SRGAP3: variants seen among roughly 807,000 people sequenced by gnomAD.
The protein encoded by SRGAP3 is SLIT-ROBO Rho GTPase-activating protein 3.
Under a neutral mutation model 121.1 loss-of-function variants are expected in SRGAP3, and 39 were observed. The ratio of observed to expected loss-of-function variants is 0.32; its 90% CI spans 0.25 to 0.42. The LOEUF (loss-of-function observed/expected upper bound fraction) is 0.42. SRGAP3 is among the 10% of genes least tolerant of loss of function. The pLI is 1.00. For synonymous variants in SRGAP3, 601 were observed against 570.0 expected, an observed-to-expected ratio of 1.05 and a Z score of -0.77; for missense variants, 1,213 against 1,470.6, an observed-to-expected ratio of 0.82 and a Z score of 2.86.
intron 14 of SRGAP3, among the ~76,000 whole-genome samples, chr3:9,017,914 T>C (rs1943718659): frequency 6.6e-6 from 1 of 152,228 alleles, no homozygotes; most frequent in Admixed American, 6.5e-5. Context: ...TGTTGCTAAG[T>C]ATCGTCACCC....
intron 2 of SRGAP3, chr3:9,326,230 A>T (rs1018541530): frequency 6.6e-6 from 1 of 151,982 alleles, no homozygotes; most frequent in Non-Finnish European, 1.5e-5. Flanking sequence ...TGGTGAAAAT[A>T]CACTATAGCA....
intron 4 of SRGAP3, among the ~76,000 whole-genome samples, chr3:9,079,455 G>A (rs918182426): frequency 6.6e-6 from 1 of 152,208 alleles, no homozygotes; most frequent in Non-Finnish European, 1.5e-5. Flanking sequence ...ACAGTTAGAT[G>A]TTGACTCCAA....
chr3:9,176,674 G>A (rs996501225), intron 1 of SRGAP3, among the ~76,000 whole-genome samples: 3 of 152,204 alleles, frequency 2.0e-5, no homozygotes, highest in African/African-American at 7.2e-5. Flanking sequence ...AATCATGGTG[G>A]AAGTCAAAGT....
At chr3:9,152,305 G>A (rs1006276257) in intron 1 of SRGAP3, among the ~76,000 whole-genome samples, 1 of 152,208 alleles carries the variant, frequency 6.6e-6, no homozygotes. Flanking sequence ...TCCCTCCAGC[G>A]ACTGGACCAG....
Position 9,058,307 on chromosome 3 carries a change from T to C in SRGAP3, c.967A>G (p.Asn323Asp). 1 of 1,614,234 alleles carries C rather than the reference T, an allele frequency of 6.2e-7. No homozygotes were observed. Among genetic ancestry groups the C allele is most frequent in the Non-Finnish European group, 8.5e-7 (1 of 1,180,030 alleles). ...TTGAGTGGAGGGCAGAAGACTTGAT[T>C]GCACATGTCCATGACTGTGTGCTTG... ...SDKHTVMDMCNQVFCPPLKFE... is the reference protein window; with the variant it reads ...SDKHTVMDMCDQVFCPPLKFE... The change falls in exon 7 of 22, where the codon AAT (asparagine) becomes GAT (aspartate). Residue 323 changes from asparagine (N) to aspartate (D), a missense_variant. Coordinates refer to ENST00000383836, the MANE Select transcript of SRGAP3 (RefSeq NM_014850.4).
intron 1 of SRGAP3, among the ~76,000 whole-genome samples, chr3:9,211,538 C>T (rs539253778): frequency 1.3e-5 from 2 of 152,106 alleles, no homozygotes; most frequent in Non-Finnish European, 2.9e-5. Context: ...TTATGGATTC[C>T]TCAAAGTCTG....
rs1953918993 is a variant in SRGAP3 at position 9,248,871 on chromosome 3, A to G, written c.67+14T>C. 1.2e-6 allele frequency: 2 copies of G among 1,614,028 alleles called. No individual in the cohort carries two copies. The highest frequency in any genetic ancestry group is 4.5e-5 in the East Asian group (2 of 44,896). On this transcript the variant is annotated intron_variant, in intron 1 of 21. Coordinates refer to ENST00000383836, the MANE Select transcript of SRGAP3 (RefSeq NM_014850.4). The stretch of plus-strand genomic sequence containing the variant: ...AGGGGAGGAGAAGGAAAACTCTCCC[A>G]GCCCGCATCTCACCTTTTATTTGGG...
intron 1 of SRGAP3, among the ~76,000 whole-genome samples, chr3:9,333,982 C>T (rs1346040316): frequency 6.6e-6 from 1 of 151,988 alleles, no homozygotes; most frequent in African/African-American, 2.4e-5. Flanking sequence ...TCATAAACAC[C>T]CCTTTAGCAT....
chr3:9,006,573 G>A (rs184319797), intron 18 of SRGAP3, among the ~76,000 whole-genome samples: 1 of 152,216 alleles, frequency 6.6e-6, no homozygotes, highest in Admixed American at 6.5e-5. Context: ...CCAAACAACT[G>A]TATTCTGTAC....
At chr3:9,025,571 A>G (rs1944155957) in intron 13 of SRGAP3, among the ~76,000 whole-genome samples, 1 of 152,184 alleles carries the variant, frequency 6.6e-6, no homozygotes, top group South Asian at 2.1e-4. Context: ...GTTTGAGCTT[A>G]AAGGAAAAGG....
At chr3:9,132,352 A>G (rs1302667557) in intron 1 of SRGAP3, among the ~76,000 whole-genome samples, 1 of 152,178 alleles carries the variant, frequency 6.6e-6, no homozygotes, top group Non-Finnish European at 1.5e-5. Flanking sequence ...CCATTACAGT[A>G]TCATACAGAA....
At position 8,981,870 on chromosome 3, in the gene SRGAP3, A is replaced by G. The variant is rs1330908201; in HGVS notation, c.*3649T>C. On this transcript the variant is annotated 3_prime_UTR_variant, in exon 22 of 22. Transcript: ENST00000383836. The stretch of plus-strand genomic sequence containing the variant: ...CTGGCCTGGTGACTTCAGAGAAAAG[A>G]CTCCAAAGTCTAATTCCCAAGCTCG... 4.4e-6 allele frequency: 1 copy of G among 228,262 alleles called. No homozygotes were observed. 14.1% of individuals were successfully genotyped at this position (228,262 alleles called of 1,614,324 possible).
At chr3:8,997,515 C>T (rs1200498509) in intron 18 of SRGAP3, among the ~76,000 whole-genome samples, 1 of 152,188 alleles carries the variant, frequency 6.6e-6, no homozygotes, top group Non-Finnish European at 1.5e-5. Context: ...AACAAAATCC[C>T]AGTGTCTTCC....
chr3:9,355,126 A>G (rs1329923892), intron 1 of SRGAP3, among the ~76,000 whole-genome samples: 1 of 152,172 alleles, frequency 6.6e-6, no homozygotes, highest in African/African-American at 2.4e-5. Flanking sequence ...TAAACCAGCA[A>G]ATCTGCTAAG....
chr3:9,185,095 T>TA (rs1951554025), intron 1 of SRGAP3, among the ~76,000 whole-genome samples: 1 of 152,162 alleles, frequency 6.6e-6, no homozygotes, highest in Non-Finnish European at 1.5e-5. Context: ...CCCACATTAT[T>TA]AGAGTCTTCG....
chr3:9,194,138 G>A (rs1951849775), intron 1 of SRGAP3: 1 of 152,278 alleles, frequency 6.6e-6, no homozygotes, highest in African/African-American at 2.4e-5. Flanking sequence ...ATAGGTGGAA[G>A]GGGAGATGAA....
At chr3:9,028,273 G>T in intron 12 of SRGAP3, 2 of 1,165,744 alleles carry the variant, frequency 1.7e-6, no homozygotes, top group Non-Finnish European at 2.5e-6. Context: ...TGGGGAGCCT[G>T]CCAAACAGCC....
intron 1 of SRGAP3, among the ~76,000 whole-genome samples, chr3:9,207,738 T>A (rs1349455299): frequency 1.3e-5 from 2 of 152,148 alleles, no homozygotes; most frequent in Non-Finnish European, 1.5e-5. Flanking sequence ...GGGAAGGGGA[T>A]GTGATCTTGG....
In SRGAP3 at chr3:9,299,619, C is replaced by T. The variant is rs142265709; in HGVS notation, n.442+26391G>A. 1.8e-3 allele frequency among the ~76,000 whole-genome samples: 271 copies of T among 152,120 alleles called. 3 individuals are homozygous for T. The highest frequency in any genetic ancestry group is 6.8e-3 in the Middle Eastern group (2 of 292). On this transcript the variant is annotated intron_variant and non_coding_transcript_variant, in intron 3 of 3. Coordinates refer to the SRGAP3 transcript ENST00000490889. ...ATCATGTTGCTGCTCTACTTAAGAT[C>T]CTTGGCTCGGCCAGGTGAGGTGGCT...
Sources: gnomAD v4.1 joint callset for allele counts (sites outside exome capture counted in the v4.1 genomes callset) on GRCh38, gnomAD v4.1.1 for gene constraint, MANE v1.5 for transcripts, NCBI Gene and HGNC (gene_info 2026-07-23, HGNC 2026-07-21) for gene names.